SRGN: variants seen among roughly 807,000 people sequenced by gnomAD.
The protein encoded by SRGN is hematopoetic proteoglycan core peptide.
Under a neutral mutation model 9.5 loss-of-function variants are expected in SRGN, and 2 were observed. The ratio of observed to expected loss-of-function variants is 0.21; its 90% CI spans 0.09 to 0.66. The LOEUF (loss-of-function observed/expected upper bound fraction) is 0.66, where lower values mean the gene tolerates loss of function less well. Among genes scored for constraint, SRGN ranks in the 30% least tolerant of loss-of-function variants. The pLI is 0.83. For synonymous variants in SRGN, 59 were observed against 72.3 expected (o/e 0.82, Z 0.93); for missense variants, 170 against 192.4 (o/e 0.88, Z 0.69).
Position 69,104,054 on chromosome 10 carries a change from C to T in SRGN, c.411C>T (p.Asp137=), listed in dbSNP as rs755930348. Residue 137 remains aspartate (D), a synonymous_variant, in exon 3 of 3, where the codon GAC becomes GAT. Coordinates refer to ENST00000242465, the MANE Select transcript of SRGN (RefSeq NM_002727.4). ...DAFHDNLRSL[D]RNLPSDSQDL... ...TCCATGACAACCTTAGGTCTCTTGA[C>T]AGGAATCTGCCCTCAGACAGCCAGG... The T allele has an allele frequency of 6.8e-6, 11 of 1,614,176 alleles. No individual in the cohort carries two copies. The South Asian group carries it at 8.8e-5, about 13-fold the overall frequency.
In SRGN at chr10:69,103,922, C is replaced by T. The variant is rs1840340779; in HGVS notation, c.279C>T (p.Tyr93=). 2 of 1,614,084 alleles carry T rather than the reference C, an allele frequency of 1.2e-6. No individual in the cohort carries two copies. Among genetic ancestry groups the T allele is most frequent in the South Asian group, 1.1e-5 (1 of 91,094 alleles). Residue 93 remains tyrosine, a synonymous_variant, in exon 3 of 3, where the codon TAC becomes TAT. Coordinates refer to ENST00000242465, the MANE Select transcript of SRGN (RefSeq NM_002727.4). ...LNRIFPLSED[Y]SGSGFGSGSG... Reference sequence around the variant, plus strand: ...GTATCTTCCCACTTTCTGAGGACTACTCTGGATCAGGCTTCGGCTCCGGCT... The same window carrying T: ...GTATCTTCCCACTTTCTGAGGACTATTCTGGATCAGGCTTCGGCTCCGGCT...
At chr10:69,091,425 G>A (rs910260846) in intron 1 of SRGN, among the ~76,000 whole-genome samples, 1 of 152,168 alleles carries the variant, frequency 6.6e-6, no homozygotes. Context: ...ATGCAAGAGT[G>A]GGGGAAGCTT....
chr10:69,095,995 G>A (rs1219218385), intron 1 of SRGN, among the ~76,000 whole-genome samples: 7 of 152,274 alleles, frequency 4.6e-5, no homozygotes, highest in African/African-American at 1.7e-4. Context: ...CCATAGAAAT[G>A]AAATTCAGAA....
chr10:69,103,785 T>C, intron 2 of SRGN, 86 bp from the exon 3 acceptor site: 2 of 1,405,972 alleles, frequency 1.4e-6, no homozygotes, highest in South Asian at 1.4e-5. Flanking sequence ...TGTATTTATC[T>C]CCTTATATTA....
At chr10:69,087,933 A>G (rs1466047873), upstream of SRGN, among the ~76,000 whole-genome samples, 12 of 152,198 alleles carry the variant, frequency 7.9e-5, no homozygotes. Context: ...GGAGTCCAGT[A>G]CAGTTTCATA....
chr10:69,094,783 G>A (rs1050617320), intron 1 of SRGN, among the ~76,000 whole-genome samples: 1 of 151,262 alleles, frequency 6.6e-6, no homozygotes, highest in Non-Finnish European at 1.5e-5. Context: ...CTCTTTTTTG[G>A]TAGAAATGGG....
At chr10:69,089,465 T>G (rs978211378) in intron 1 of SRGN, among the ~76,000 whole-genome samples, 2 of 152,208 alleles carry the variant, frequency 1.3e-5, no homozygotes, top group Non-Finnish European at 2.9e-5. Flanking sequence ...GGCCAGATGG[T>G]GCTGGGCATA....
chr10:69,101,528 G>A (rs541683037), intron 2 of SRGN, among the ~76,000 whole-genome samples: 115 of 152,168 alleles, frequency 7.6e-4, no homozygotes, highest in Non-Finnish European at 1.5e-3. Flanking sequence ...GTATAGGGGT[G>A]GACTTTAGTA....
At chr10:69,101,304 C>T (rs932106361) in intron 2 of SRGN, among the ~76,000 whole-genome samples, 1 of 152,104 alleles carries the variant, frequency 6.6e-6, no homozygotes, top group Non-Finnish European at 1.5e-5. Context: ...CTCTGGGTTA[C>T]CTCGCTATCC....
intron 1 of SRGN, among the ~76,000 whole-genome samples, chr10:69,089,187 G>A (rs1840001465): frequency 6.6e-6 from 1 of 152,204 alleles, no homozygotes; most frequent in African/African-American, 2.4e-5. Context: ...AAATCTTACA[G>A]ATGATCGCAG....
At chr10:69,100,299 G>A (rs1840263161) in intron 2 of SRGN, among the ~76,000 whole-genome samples, 1 of 152,170 alleles carries the variant, frequency 6.6e-6, no homozygotes, top group Admixed American at 6.5e-5. Context: ...TCGAAAGGCT[G>A]AGGTGGGAGG....
At chr10:69,100,972 T>C (rs1840278387) in intron 2 of SRGN, among the ~76,000 whole-genome samples, 1 of 147,548 alleles carries the variant, frequency 6.8e-6, no homozygotes, top group Admixed American at 6.7e-5. Context: ...AGTATTTTTT[T>C]CTTTCTTTCT....
chr10:69,104,170 T>C lies in SRGN; in HGVS notation c.*50T>C. On this transcript the variant is annotated 3_prime_UTR_variant, in exon 3 of 3. Transcript: ENST00000242465. ...CAGGCAATGTAGTTAGCATATTTTA[T>C]GTACCATGGTTATATGATTAATCTT... The C allele has an allele frequency of 6.3e-7, 1 of 1,578,916 alleles. No individual in the cohort carries two copies. Among genetic ancestry groups the C allele is most frequent in the South Asian group, 1.1e-5 (1 of 87,484 alleles).
chr10:69,091,374 A>G (rs1840048064), intron 1 of SRGN, among the ~76,000 whole-genome samples: 1 of 152,216 alleles, frequency 6.6e-6, no homozygotes, highest in Non-Finnish European at 1.5e-5. Flanking sequence ...TGAGGGAGAA[A>G]TTGAAAGTAA....
chr10:69,097,031 T>C, intron 1 of SRGN, 53 bp from the exon 2 acceptor site: 1 of 1,568,660 alleles, frequency 6.4e-7, no homozygotes, highest in Non-Finnish European at 8.6e-7. Flanking sequence ...TAGGACAGAG[T>C]GATTAGAAGC....
chr10:69,098,964 G>GA (rs988352827), intron 2 of SRGN, among the ~76,000 whole-genome samples: 16 of 145,932 alleles, frequency 1.1e-4, no homozygotes, highest in East Asian at 5.9e-4. Flanking sequence ...CTCAAAAAAA[G>GA]AAAAAAAAAA....
At chr10:69,095,720 G>A (rs780812503) in intron 1 of SRGN, among the ~76,000 whole-genome samples, 6 of 151,998 alleles carry the variant, frequency 3.9e-5, no homozygotes, top group Admixed American at 1.3e-4. Flanking sequence ...AGACCAGCTT[G>A]GGCAACATGG....
chr10:69,096,905 A>G (rs1030220985), intron 1 of SRGN, among the ~76,000 whole-genome samples, 179 bp from the exon 2 acceptor site: 2 of 152,042 alleles, frequency 1.3e-5, no homozygotes, highest in African/African-American at 4.8e-5. Context: ...GGGGTGGGAG[A>G]ATGGCTTGAG....
intron 1 of SRGN, among the ~76,000 whole-genome samples, chr10:69,096,479 A>T (rs1840178007): frequency 6.6e-6 from 1 of 152,184 alleles, no homozygotes; most frequent in African/African-American, 2.4e-5. Flanking sequence ...AGGTTCCATA[A>T]CTAGTCAGCA....
Sources: allele counts gnomAD v4.1 joint callset (sites outside exome capture counted in the v4.1 genomes callset), GRCh38; gene constraint gnomAD v4.1.1; transcripts MANE v1.5; gene names NCBI Gene and HGNC (gene_info 2026-07-23, HGNC 2026-07-21).